EVA1A: variants seen among roughly 807,000 people sequenced by gnomAD.
The protein encoded by EVA1A is eva-1 homolog A, regulator of programmed cell death.
In EVA1A, 7 loss-of-function variants were observed where a neutral mutation model predicts 9.8. That is an observed-to-expected ratio of 0.71 (90% CI 0.41 to 1.34). The LOEUF (loss-of-function observed/expected upper bound fraction) is 1.34. Ranked by LOEUF, EVA1A falls within the 40% of genes most tolerant of loss-of-function variation. The pLI is 0.01. For synonymous variants in EVA1A, 90 were observed against 85.6 expected (o/e 1.05, Z -0.28); for missense variants, 206 against 205.9 (o/e 1.00, Z 0.00).
chr2:75,511,233 T>G (rs1674800660), intron 3 of EVA1A, among the ~76,000 whole-genome samples: 1 of 152,188 alleles, frequency 6.6e-6, no homozygotes, highest in Admixed American at 6.6e-5. Flanking sequence ...GTTATTAATA[T>G]TTTTCTCAGT....
At chr2:75,528,843 G>A (rs1462202900) in intron 1 of EVA1A, among the ~76,000 whole-genome samples, 1 of 152,098 alleles carries the variant, frequency 6.6e-6, no homozygotes, top group Non-Finnish European at 1.5e-5. Flanking sequence ...TGGCTGGAGG[G>A]CAACCAACTC....
At chr2:75,533,324 T>C (rs1312334277) in intron 1 of EVA1A, among the ~76,000 whole-genome samples, 2 of 152,062 alleles carry the variant, frequency 1.3e-5, no homozygotes, top group South Asian at 2.1e-4. Flanking sequence ...AGTAGCACAA[T>C]GTATGTTTCA....
rs115162278 is a variant in EVA1A at position 75,517,956 on chromosome 2, G to A, written c.85+100C>T. ...AGAGCAGTAGCTTTGATTACGTAGTGTGTCTTTACTGAGAATAAGGCCAGA... is the reference window on the plus strand; with the variant it reads ...AGAGCAGTAGCTTTGATTACGTAGTATGTCTTTACTGAGAATAAGGCCAGA... On this transcript the variant is annotated intron_variant, in intron 3 of 3. Coordinates refer to ENST00000393913, the MANE Select transcript of EVA1A (RefSeq NM_001135032.2). 3.2e-3 allele frequency: 4,294 copies of A among 1,357,430 alleles called. 112 individuals carry two copies. In the African/African-American group the frequency reaches 0.055, roughly 18 times the overall value. The allele number at this position is 1,357,430 out of a possible 1,614,324, so 84.1% of individuals were successfully genotyped here. A position where few individuals can be genotyped will look rare whatever the true frequency, so the allele number is the denominator to read the frequency against.
At chr2:75,550,799 C>A (rs548468600) in intron 1 of EVA1A, among the ~76,000 whole-genome samples, 1 of 152,184 alleles carries the variant, frequency 6.6e-6, no homozygotes, top group Non-Finnish European at 1.5e-5. Context: ...CCTCTCCCAG[C>A]GTGCATAGTC....
At chr2:75,510,698 G>A (rs149502728) in intron 3 of EVA1A, among the ~76,000 whole-genome samples, 1 of 152,260 alleles carries the variant, frequency 6.6e-6, no homozygotes, top group East Asian at 1.9e-4. Flanking sequence ...CAAAAGACAA[G>A]TGATAAATTA....
chr2:75,505,511 C>T lies in EVA1A; in HGVS notation c.86-11902G>A, dbSNP rs188815877. 9.3e-4 allele frequency among the ~76,000 whole-genome samples: 141 copies of T among 152,126 alleles called. 2 individuals carry two copies. The highest frequency in any genetic ancestry group is 3.1e-3 in the African/African-American group (130 of 41,480). ...ATATGTAAATACATATGTATGTGTACGTATGTGGGTATGCGTATAAATATG... is the reference window on the plus strand; with the variant it reads ...ATATGTAAATACATATGTATGTGTATGTATGTGGGTATGCGTATAAATATG... On this transcript the variant is annotated intron_variant, in intron 3 of 3. Coordinates refer to ENST00000393913, the MANE Select transcript of EVA1A (RefSeq NM_001135032.2).
rs1675265644 is a variant in EVA1A at position 75,522,469 on chromosome 2, C to T, written c.-173G>A. On this transcript the variant is annotated 5_prime_UTR_variant, in exon 2 of 4. Transcript: ENST00000393913. ...TAGAGGTTCTAAAACTTGTTTGGCC[C>T]CAGTTGGCTTCTCAGACTCTGAAAG... is the stretch of plus-strand genomic sequence containing the variant. The T allele has an allele frequency of 6.6e-6, 1 of 152,188 alleles. No homozygotes were observed. The highest frequency in any genetic ancestry group is 2.4e-5 in the African/African-American group (1 of 41,410). 9.4% of individuals were successfully genotyped at this position (152,188 alleles called of 1,614,324 possible).
intron 3 of EVA1A, among the ~76,000 whole-genome samples, chr2:75,496,292 A>G (rs761390607): frequency 6.6e-6 from 1 of 152,106 alleles, no homozygotes; most frequent in Non-Finnish European, 1.5e-5. Context: ...AACCCTAAAA[A>G]CTCTGCCAAA....
Position 75,493,219 on chromosome 2 carries a change from C to CGG in EVA1A, c.*15_*16dup. ...TTTCCAGGCGGCCTCCAGTGGTTTC[C>CGG]GGGGTCCTGCTGCTCCCTAATAGTA... is the stretch of plus-strand genomic sequence containing the variant. On this transcript the variant is annotated 3_prime_UTR_variant, in exon 4 of 4. Coordinates refer to ENST00000393913, the MANE Select transcript of EVA1A (RefSeq NM_001135032.2). The CGG allele has an allele frequency of 1.9e-6, 3 of 1,593,428 alleles. No homozygotes were observed. The highest frequency in any genetic ancestry group is 2.6e-6 in the Non-Finnish European group (3 of 1,168,822).
intron 1 of EVA1A, among the ~76,000 whole-genome samples, chr2:75,524,653 A>G (rs1178717161): frequency 6.6e-6 from 1 of 152,118 alleles, no homozygotes; most frequent in Admixed American, 6.5e-5. Flanking sequence ...TCACTTTCTC[A>G]TTCTTCAATC....
chr2:75,548,701 G>A (rs1274443152), intron 1 of EVA1A, among the ~76,000 whole-genome samples: 1 of 151,982 alleles, frequency 6.6e-6, no homozygotes, highest in Non-Finnish European at 1.5e-5. Flanking sequence ...ATGAATATGC[G>A]CCTACAGATC....
intron 3 of EVA1A, among the ~76,000 whole-genome samples, chr2:75,510,163 C>G (rs1326335823): frequency 2.6e-5 from 4 of 152,062 alleles, no homozygotes; most frequent in African/African-American, 9.7e-5. Flanking sequence ...AAGTGTGATT[C>G]TATTTCTTGG....
intron 1 of EVA1A, among the ~76,000 whole-genome samples, chr2:75,538,878 C>T (rs752441011): frequency 1.3e-5 from 2 of 152,188 alleles, no homozygotes; most frequent in Non-Finnish European, 2.9e-5. Context: ...AGCTAAAAAA[C>T]GGCAACATGA....
At chr2:75,547,750 C>G (rs1484641312) in intron 1 of EVA1A, among the ~76,000 whole-genome samples, 1 of 152,212 alleles carries the variant, frequency 6.6e-6, no homozygotes, top group Non-Finnish European at 1.5e-5. Flanking sequence ...TGGCTCCCTA[C>G]CTCCATTCTC....
intron 1 of EVA1A, among the ~76,000 whole-genome samples, chr2:75,537,017 C>A (rs1349870741): frequency 2.0e-5 from 3 of 152,092 alleles, no homozygotes; most frequent in Non-Finnish European, 2.9e-5. Context: ...AAAGAAAACT[C>A]AAAGCCATCA....
Position 75,521,000 on chromosome 2 carries a change from C to T in EVA1A, c.-69+1365G>A, listed in dbSNP as rs557219215. On this transcript the variant is annotated intron_variant, in intron 2 of 3. Coordinates refer to ENST00000393913, the MANE Select transcript of EVA1A (RefSeq NM_001135032.2). The stretch of plus-strand genomic sequence containing the variant: ...ATCCTAATTCCTAATATCAGAACTC[C>T]TACAACTCAACAACTAAAAACAAAG... 2.6e-5 allele frequency among the ~76,000 whole-genome samples: 4 copies of T among 152,230 alleles called. No homozygotes were observed. The South Asian group carries it at 6.2e-4, about 24-fold the overall frequency.
chr2:75,551,164 C>T (rs1676508712), intron 1 of EVA1A, among the ~76,000 whole-genome samples: 1 of 152,060 alleles, frequency 6.6e-6, no homozygotes, highest in Non-Finnish European at 1.5e-5. Flanking sequence ...AAAAAACGTG[C>T]TGGTCTTTTC....
At chr2:75,514,188 G>A (rs906775372) in intron 3 of EVA1A, among the ~76,000 whole-genome samples, 1 of 152,174 alleles carries the variant, frequency 6.6e-6, no homozygotes, top group Admixed American at 6.6e-5. Context: ...TAAAGTGGAC[G>A]CCATACATTT....
At chr2:75,508,749 A>G (rs1177683825) in intron 3 of EVA1A, among the ~76,000 whole-genome samples, 1 of 152,144 alleles carries the variant, frequency 6.6e-6, no homozygotes, top group Non-Finnish European at 1.5e-5. Flanking sequence ...CTTGGGGGGC[A>G]TCACAGAACC....
Sources: gnomAD v4.1 joint callset for allele counts (sites outside exome capture counted in the v4.1 genomes callset) on GRCh38, gnomAD v4.1.1 for gene constraint, MANE v1.5 for transcripts, NCBI Gene and HGNC (gene_info 2026-07-23, HGNC 2026-07-21) for gene names.